NCOA3: variants seen among roughly 807,000 people sequenced by gnomAD.
The protein encoded by NCOA3 is CBP-interacting protein.
In NCOA3, 51 loss-of-function variants were observed where a neutral mutation model predicts 158.8. That is an observed-to-expected ratio of 0.32 (90% CI 0.26 to 0.41). The LOEUF (loss-of-function observed/expected upper bound fraction) is 0.41. Among genes scored for constraint, NCOA3 ranks in the 10% least tolerant of loss-of-function variants. The pLI, the probability that NCOA3 is intolerant of heterozygous loss-of-function variation, is 1.00. For synonymous variants in NCOA3, 537 were observed against 592.4 expected (o/e 0.91, Z 1.36); for missense variants, 1,510 against 1,746.6 (o/e 0.86, Z 2.41).
chr20:47,554,225 C>T (rs909672575), intron 1 of NCOA3, among the ~76,000 whole-genome samples: 56 of 152,142 alleles, frequency 3.7e-4, no homozygotes, highest in African/African-American at 3.1e-4. Flanking sequence ...TTATATCCTT[C>T]GCCCACTTTT....
Position 47,606,480 on chromosome 20 carries a change from G to GA in NCOA3, c.-19-15738dup, listed in dbSNP as rs767927199. Among the ~76,000 whole-genome samples, 616 of 146,434 alleles carry GA rather than the reference G, an allele frequency of 4.2e-3. 6 individuals carry two copies. The Middle Eastern group carries it at 0.049, about 12-fold the overall frequency. Reference sequence around the variant, plus strand: ...TTCTTCACTGCCAGGAGCTCATAAAGAAAAAAAAAAATCAGTTTTCCACTG... The same window carrying GA: ...TTCTTCACTGCCAGGAGCTCATAAAGAAAAAAAAAAAATCAGTTTTCCACTG... On this transcript the variant is annotated intron_variant, in intron 2 of 22. Coordinates refer to ENST00000371998, the MANE Select transcript of NCOA3 (RefSeq NM_181659.3).
chr20:47,625,715 A>G (rs1026575918), intron 5 of NCOA3, among the ~76,000 whole-genome samples: 5 of 152,188 alleles, frequency 3.3e-5, no homozygotes, highest in African/African-American at 1.2e-4. Context: ...CTGAGGAACC[A>G]CACATATACA....
At chr20:47,633,922 G>T in intron 9 of NCOA3, 126 bp from the exon 10 acceptor site, 2 of 1,229,038 alleles carry the variant, frequency 1.6e-6, no homozygotes, top group East Asian at 2.3e-5. Context: ...TGATGATTTT[G>T]GTGCAGATCC....
At position 47,648,296 on chromosome 20, in the gene NCOA3, T is replaced by C. The variant is rs555838588; in HGVS notation, c.3547-709T>C. Among the ~76,000 whole-genome samples the C allele has an allele frequency of 7.2e-5, 11 of 152,312 alleles. No individual in the cohort carries two copies. In the Middle Eastern group the frequency reaches 0.01, roughly 141 times the overall value. The stretch of plus-strand genomic sequence containing the variant: ...TAGGTACTCAGAAAAGCTGTGTTAC[T>C]GTATTCATTTTACTTTCTGCCGTTT... On this transcript the variant is annotated intron_variant, in intron 18 of 22. Coordinates refer to ENST00000371998, the MANE Select transcript of NCOA3 (RefSeq NM_181659.3).
intron 17 of NCOA3, among the ~76,000 whole-genome samples, chr20:47,645,912 C>T (rs2086678663): frequency 6.6e-6 from 1 of 152,068 alleles, no homozygotes; most frequent in Admixed American, 6.5e-5. Context: ...ATGATATGCC[C>T]TGGAGGAAAA....
chr20:47,512,439 A>G (rs1044429258), intron 1 of NCOA3, among the ~76,000 whole-genome samples: 7 of 151,802 alleles, frequency 4.6e-5, no homozygotes, highest in African/African-American at 1.5e-4. Context: ...ATGGTGGCAC[A>G]TGCCTGTAGT....
At chr20:47,602,626 A>G (rs989989871) in intron 2 of NCOA3, among the ~76,000 whole-genome samples, 1 of 152,234 alleles carries the variant, frequency 6.6e-6, no homozygotes, top group Non-Finnish European at 1.5e-5. Context: ...GGCCATGCAC[A>G]GCTGTAATCC....
chr20:47,534,825 G>C (rs1159580743), intron 1 of NCOA3, among the ~76,000 whole-genome samples: 1 of 152,120 alleles, frequency 6.6e-6, no homozygotes, highest in Non-Finnish European at 1.5e-5. Flanking sequence ...TGAGGTGGGA[G>C]GATCGGTTGA....
intron 1 of NCOA3, among the ~76,000 whole-genome samples, chr20:47,555,632 GTTTTTTTTT>G (rs74178745): frequency 4.7e-5 from 3 of 64,154 alleles, no homozygotes; most frequent in Non-Finnish European, 2.7e-5. Flanking sequence ...CTATTAAAGT[GTTTTTTTTT>G]TTTTTTTTTT....
At chr20:47,535,769 G>A (rs2084622703) in intron 1 of NCOA3, among the ~76,000 whole-genome samples, 2 of 152,036 alleles carry the variant, frequency 1.3e-5, no homozygotes, top group Admixed American at 1.3e-4. Flanking sequence ...GCCTCCCAAA[G>A]TGCTGGGATT....
chr20:47,607,250 G>A (rs1234829016), intron 2 of NCOA3, among the ~76,000 whole-genome samples: 2 of 152,206 alleles, frequency 1.3e-5, no homozygotes, highest in South Asian at 4.1e-4. Flanking sequence ...AGCAGACACA[G>A]GAGAAGTTCT....
chr20:47,512,313 A>G (rs143179878), intron 1 of NCOA3, among the ~76,000 whole-genome samples: 44,252 of 152,032 alleles, frequency 0.29, 7,128 homozygotes, highest in East Asian at 0.58. Flanking sequence ...GCTCACACCT[A>G]TAATCCCAGC....
intron 1 of NCOA3, among the ~76,000 whole-genome samples, chr20:47,524,602 T>C (rs1325064753): frequency 1.3e-5 from 2 of 151,742 alleles, no homozygotes; most frequent in Non-Finnish European, 2.9e-5. Context: ...AGATAAGAAG[T>C]GAAGGGACAA....
rs200950152 is a variant in NCOA3, at chr20:47,635,531, C to T, written c.1322C>T (p.Ser441Leu). The T allele has an allele frequency of 6.2e-7, 1 of 1,614,156 alleles. No homozygotes were observed. Among genetic ancestry groups the T allele is most frequent in the East Asian group, 2.2e-5 (1 of 44,862 alleles). The change falls in exon 11 of 23, where the codon TCA becomes TTA. Residue 441 changes from serine to leucine, a missense_variant. Physicochemically the swap from Ser to Leu is moderately radical, Grantham distance 145 (BLOSUM62 -2). Around this residue, in one of 4 missense-constraint regions of NCOA3, gnomAD observed 1,017 missense variants for 1,098.3 expected, o/e 0.93. Transcript: ENST00000371998. The stretch of plus-strand genomic sequence containing the variant: ...TATGGGGGTTCCAGTAACATAGCTT[C>T]ATTGACCCCTGGGCCAGGCATGCAA... ...ARYGGSSNIA[S>L]LTPGPGMQSP...
intron 1 of NCOA3, among the ~76,000 whole-genome samples, chr20:47,565,694 C>T (rs1257507670): frequency 6.6e-6 from 1 of 152,118 alleles, no homozygotes; most frequent in Admixed American, 6.6e-5. Flanking sequence ...CCAGCCTCAG[C>T]CTGGGTGACA....
At position 47,588,281 on chromosome 20, in the gene NCOA3, C is replaced by T. The variant is rs368175110; in HGVS notation, c.-20+5020C>T. Among the ~76,000 whole-genome samples the T allele has an allele frequency of 1.9e-4, 29 of 151,728 alleles. 1 individual carries two copies. In the East Asian group the frequency reaches 4.5e-3, roughly 23 times the overall value. ...TCCTGAGTAGCTGCAACTACAGGTGCGTGCCACCATGCCCAGCTAATTTTT... is the reference window on the plus strand; with the variant it reads ...TCCTGAGTAGCTGCAACTACAGGTGTGTGCCACCATGCCCAGCTAATTTTT... On this transcript the variant is annotated intron_variant, in intron 2 of 22. Coordinates refer to ENST00000371998, the MANE Select transcript of NCOA3 (RefSeq NM_181659.3).
intron 19 of NCOA3, 89 bp from the exon 20 acceptor site, chr20:47,650,893 T>C (rs1602547572): frequency 7.8e-7 from 1 of 1,276,510 alleles, no homozygotes; most frequent in Non-Finnish European, 1.1e-6. Context: ...TTTTCTGTCT[T>C]ATACCTGGTG....
chr20:47,634,227 A>G, intron 10 of NCOA3, 32 bp downstream of exon 10: 2 of 1,591,420 alleles, frequency 1.3e-6, no homozygotes, highest in Non-Finnish European at 1.7e-6. Context: ...TTCTAATACA[A>G]AATGCAGCAG....
intron 1 of NCOA3, among the ~76,000 whole-genome samples, chr20:47,532,943 C>T (rs894700853): frequency 1.3e-5 from 2 of 150,998 alleles, no homozygotes; most frequent in Admixed American, 6.6e-5. Context: ...GTCTGTACTA[C>T]AAATACAAAA....
Sources: allele counts gnomAD v4.1 joint callset (sites outside exome capture counted in the v4.1 genomes callset), GRCh38; gene constraint gnomAD v4.1.1; regional missense constraint gnomAD v4.1.1; transcripts MANE v1.5; gene names NCBI Gene and HGNC (gene_info 2026-07-23, HGNC 2026-07-21).